ARFGEF3: variants seen among roughly 807,000 people sequenced by gnomAD.
ARFGEF3 encodes brefeldin A-inhibited guanine nucleotide-exchange protein 3.
A neutral mutation model predicts 221.7 loss-of-function variants in ARFGEF3; 96 were observed. The ratio of observed to expected loss-of-function variants is 0.43; its 90% CI spans 0.37 to 0.51. ARFGEF3 has a LOEUF of 0.51. ARFGEF3 is among the 20% of genes least tolerant of loss of function. The pLI is 0.00. For synonymous variants in ARFGEF3, 1,145 were observed against 1,126.8 expected, an observed-to-expected ratio of 1.02 and a Z score of -0.32; for missense variants, 2,410 against 2,789.9, an observed-to-expected ratio of 0.86 and a Z score of 3.07.
intron 1 of ARFGEF3, among the ~76,000 whole-genome samples, chr6:138,163,143 G>A (rs1383066474): frequency 6.6e-6 from 1 of 152,158 alleles, no homozygotes; most frequent in Non-Finnish European, 1.5e-5. Context: ...CCTTTAGCAG[G>A]TTTTCCACTA....
intron 2 of ARFGEF3, among the ~76,000 whole-genome samples, chr6:138,206,711 C>T (rs1365533192): frequency 1.3e-5 from 2 of 152,084 alleles, no homozygotes; most frequent in African/African-American, 4.8e-5. Flanking sequence ...TGGGTGTGAG[C>T]AGTGCTGTTA....
intron 15 of ARFGEF3, among the ~76,000 whole-genome samples, chr6:138,286,433 G>C (rs1490343926): frequency 1.5e-5 from 2 of 133,154 alleles, no homozygotes; most frequent in East Asian, 4.3e-4. Context: ...CTGGGTGACA[G>C]AACGAGACTC....
At position 138,321,182 on chromosome 6, in the gene ARFGEF3, A is replaced by G; in HGVS notation, c.4723A>G (p.Lys1575Glu). 1 of 1,562,154 alleles carries G rather than the reference A, an allele frequency of 6.4e-7. No individual in the cohort carries two copies. Among genetic ancestry groups the G allele is most frequent in the Non-Finnish European group, 8.7e-7 (1 of 1,151,882 alleles). ...LFELLVACVA[K>E]PTETISRVGC... ...TGAGTTGCTGGTCGCCTGTGTGGCC[A>G]AGCCCACTGAAACCATCTCCAGAGT... The change falls in exon 29 of 34, where the codon AAG becomes GAG. Residue 1575 changes from lysine to glutamate, a missense_variant. Around this residue, in one of 5 missense-constraint regions of ARFGEF3, gnomAD observed 723 missense variants for 991.9 expected, o/e 0.73. Transcript: ENST00000251691.
chr6:138,165,383 G>A (rs1776704093), intron 1 of ARFGEF3, among the ~76,000 whole-genome samples: 1 of 150,896 alleles, frequency 6.6e-6, no homozygotes, highest in African/African-American at 2.4e-5. Flanking sequence ...AGGAGCAAGG[G>A]GTCATCCCCT....
chr6:138,274,167 G>T (rs1779053178), intron 12 of ARFGEF3, among the ~76,000 whole-genome samples: 1 of 152,180 alleles, frequency 6.6e-6, no homozygotes, highest in South Asian at 2.1e-4. Context: ...AAGGTAATTA[G>T]TAGTTGGTTT....
chr6:138,297,703 C>A (rs978290162), intron 21 of ARFGEF3, among the ~76,000 whole-genome samples: 1 of 152,178 alleles, frequency 6.6e-6, no homozygotes, highest in Non-Finnish European at 1.5e-5. Flanking sequence ...TTATCTTTTA[C>A]TCTACAATAA....
intron 4 of ARFGEF3, chr6:138,217,824 T>C (rs1429573407): frequency 1.0e-6 from 1 of 995,604 alleles, no homozygotes; most frequent in Admixed American, 3.3e-5. Flanking sequence ...TGGGTTTGTA[T>C]TTTAGAATTG....
At chr6:138,255,893 TC>T in intron 10 of ARFGEF3, 124 bp downstream of exon 10, 2 of 785,352 alleles carry the variant, frequency 2.5e-6, no homozygotes, top group Non-Finnish European at 3.9e-6. Context: ...CCTCATGGTG[TC>T]CAGTAGCGAA....
chr6:138,255,031 G>A (rs1778649342), intron 9 of ARFGEF3, among the ~76,000 whole-genome samples: 1 of 152,190 alleles, frequency 6.6e-6, no homozygotes, highest in Non-Finnish European at 1.5e-5. Context: ...GCAGCCAGCT[G>A]GTTGTTCTGG....
At chr6:138,251,772 GC>G (rs1392010416) in intron 8 of ARFGEF3, among the ~76,000 whole-genome samples, 2 of 151,976 alleles carry the variant, frequency 1.3e-5, no homozygotes, top group Non-Finnish European at 2.9e-5. Flanking sequence ...TACTAAGACA[GC>G]ATGTCCTGTG....
At chr6:138,179,337 A>C (rs1395272367) in intron 2 of ARFGEF3, among the ~76,000 whole-genome samples, 1 of 152,188 alleles carries the variant, frequency 6.6e-6, no homozygotes, top group Non-Finnish European at 1.5e-5. Context: ...TTTGGGAACA[A>C]TCCCAGTGAT....
chr6:138,292,878 G>T lies in ARFGEF3; in HGVS notation c.3368+825G>T, dbSNP rs925394815. 2.0e-5 allele frequency among the ~76,000 whole-genome samples: 3 copies of T among 152,304 alleles called. No homozygotes were observed. The East Asian group carries it at 5.8e-4, about 29-fold the overall frequency. Reference sequence around the variant, plus strand: ...GCTTATCCAAGTTGGCTGTGAAAATGTTTTAGAATCTGGAAAGTAATATAC... The same window carrying T: ...GCTTATCCAAGTTGGCTGTGAAAATTTTTTAGAATCTGGAAAGTAATATAC... On this transcript the variant is annotated intron_variant, in intron 19 of 33. Coordinates refer to ENST00000251691, the MANE Select transcript of ARFGEF3 (RefSeq NM_020340.5).
At chr6:138,304,618 A>G (rs1779688181) in intron 22 of ARFGEF3, among the ~76,000 whole-genome samples, 1 of 152,352 alleles carries the variant, frequency 6.6e-6, no homozygotes, top group Admixed American at 6.5e-5. Context: ...TTATGCTTAG[A>G]CAGGAAAAAG....
At chr6:138,174,469 T>TAAAAAAAAAAAA (rs35236693) in intron 2 of ARFGEF3, among the ~76,000 whole-genome samples, 2 of 25,302 alleles carry the variant, frequency 7.9e-5, no homozygotes, top group Admixed American at 7.3e-4. Flanking sequence ...GAGCATCTGC[T>TAAAAAAAAAAAA]AAAAAAAAAA....
intron 10 of ARFGEF3, among the ~76,000 whole-genome samples, chr6:138,260,310 A>G (rs1330046490): frequency 6.6e-6 from 1 of 152,226 alleles, no homozygotes; most frequent in African/African-American, 2.4e-5. Context: ...AACTTCTTCT[A>G]TGTAATGGAC....
intron 8 of ARFGEF3, among the ~76,000 whole-genome samples, chr6:138,251,118 C>T (rs1416830554): frequency 3.3e-5 from 5 of 152,172 alleles, no homozygotes; most frequent in Non-Finnish European, 2.9e-5. Flanking sequence ...ACTCTCAGGC[C>T]AGTTACCTTG....
chr6:138,326,514 A>G (rs1472471096), intron 31 of ARFGEF3, among the ~76,000 whole-genome samples: 2 of 152,240 alleles, frequency 1.3e-5, no homozygotes, highest in African/African-American at 4.8e-5. Flanking sequence ...AACATATGAA[A>G]AAAGCTCAAC....
intron 32 of ARFGEF3, among the ~76,000 whole-genome samples, chr6:138,330,457 G>A (rs577877246): frequency 3.5e-4 from 51 of 145,606 alleles, no homozygotes; most frequent in Non-Finnish European, 6.1e-4. Context: ...ATTTGTTAAC[G>A]GCAGCCCAAA....
chr6:138,265,986 C>T (rs545872573), intron 12 of ARFGEF3, among the ~76,000 whole-genome samples: 2 of 152,034 alleles, frequency 1.3e-5, no homozygotes, highest in Admixed American at 1.3e-4. Flanking sequence ...GAGGCTGAGA[C>T]GGGTGGATTG....
Sources: gnomAD v4.1 joint callset for allele counts (sites outside exome capture counted in the v4.1 genomes callset) on GRCh38, gnomAD v4.1.1 for gene constraint, gnomAD v4.1.1 regional missense constraint, MANE v1.5 for transcripts, NCBI Gene and HGNC (gene_info 2026-07-23, HGNC 2026-07-21) for gene names.